RBPJ: variants seen among roughly 807,000 people sequenced by gnomAD.
The protein encoded by RBPJ is recombining binding protein suppressor of hairless.
In RBPJ, 9 loss-of-function variants were observed where a neutral mutation model predicts 67.8. That is an observed-to-expected ratio of 0.13 (90% CI 0.08 to 0.23). The LOEUF is 0.23. Among genes scored for constraint, RBPJ ranks in the 10% least tolerant of loss-of-function variants. The probability of loss-of-function intolerance (pLI) is 1.00; values close to 1 mark genes in which losing one functional copy is unlikely to be tolerated. For missense variants in RBPJ, 305 were observed against 595.6 expected (o/e 0.51, Z 5.08); for synonymous variants, 198 against 203.3 (o/e 0.97, Z 0.22).
intron 1 of RBPJ, among the ~76,000 whole-genome samples, chr4:26,175,959 G>A (rs189705967): frequency 3.9e-5 from 6 of 152,252 alleles, no homozygotes; most frequent in East Asian, 3.9e-4. Flanking sequence ...GAAAGGTGTG[G>A]AGAAAAGTGA....
At chr4:26,316,523 A>ATATATATTCATG (rs1722633535), upstream of RBPJ, among the ~76,000 whole-genome samples, 1 of 9,274 alleles carries the variant, frequency 1.1e-4, no homozygotes, top group Non-Finnish European at 3.2e-4. Flanking sequence ...ATATATTCAT[A>ATATATATTCATG]TATATATTCA....
chr4:26,222,528 G>A (rs2109193111), intron 1 of RBPJ, among the ~76,000 whole-genome samples: 1 of 147,590 alleles, frequency 6.8e-6, no homozygotes, highest in East Asian at 2.0e-4. Flanking sequence ...AAATATTTAA[G>A]GTGATGAGTT....
intron 1 of RBPJ, among the ~76,000 whole-genome samples, chr4:26,229,560 G>C (rs1719202132): frequency 6.6e-6 from 1 of 152,084 alleles, no homozygotes; most frequent in African/African-American, 2.4e-5. Context: ...TCCATGCATA[G>C]AAGCGTTCCC....
At chr4:26,401,319 G>C (rs752226828) in intron 2 of RBPJ, among the ~76,000 whole-genome samples, 1 of 152,196 alleles carries the variant, frequency 6.6e-6, no homozygotes, top group East Asian at 1.9e-4. Flanking sequence ...GTATGATTTT[G>C]TCCTCACAAG....
At chr4:26,235,748 T>C (rs1719432656) in intron 1 of RBPJ, among the ~76,000 whole-genome samples, 1 of 152,218 alleles carries the variant, frequency 6.6e-6, no homozygotes, top group Admixed American at 6.5e-5. Context: ...TGTTTTCCTG[T>C]CCTTTGCTCT....
the RBPJ span, among the ~76,000 whole-genome samples, chr4:26,131,480 G>A: frequency 1.1e-4 from 16 of 152,256 alleles, no homozygotes; most frequent in Admixed American, 7.2e-4. Flanking sequence ...TGCCAGTATT[G>A]CTTCTGGGGA....
chr4:26,288,314 G>A (rs909171201), intron 1 of RBPJ, among the ~76,000 whole-genome samples: 1 of 152,178 alleles, frequency 6.6e-6, no homozygotes, highest in African/African-American at 2.4e-5. Context: ...TTTGACTAAG[G>A]CTGAAGAATC....
At chr4:26,298,970 G>T (rs1037797551) in intron 1 of RBPJ, among the ~76,000 whole-genome samples, 4 of 152,180 alleles carry the variant, frequency 2.6e-5, no homozygotes, top group African/African-American at 9.7e-5. Context: ...AAAGAAAAAA[G>T]GTAGGTCAGA....
intron 1 of RBPJ, among the ~76,000 whole-genome samples, chr4:26,287,912 C>G (rs1049953234): frequency 1.5e-4 from 23 of 152,134 alleles, no homozygotes; most frequent in African/African-American, 5.3e-4. Flanking sequence ...TTGAGCATCT[C>G]ATTGAACTCT....
chr4:26,179,937 C>T (rs2175422), intron 1 of RBPJ, among the ~76,000 whole-genome samples: 7,115 of 152,228 alleles, frequency 0.047, 318 homozygotes, highest in African/African-American at 0.11. Flanking sequence ...TGTCCATCAA[C>T]TACAGACTGG....
rs187360913 is a variant in RBPJ at position 26,264,121 on chromosome 4, G to A, written c.-166-98325G>A. Among the ~76,000 whole-genome samples the A allele has an allele frequency of 7.9e-5, 12 of 151,950 alleles. No individual in the cohort carries two copies. The highest frequency in any genetic ancestry group is 2.9e-4 in the African/African-American group (12 of 41,416). On this transcript the variant is annotated intron_variant, in intron 1 of 4. Coordinates refer to the RBPJ transcript ENST00000512351. This position sits in a 1 kb window ranked among gnomAD's most constrained non-coding sequence, Gnocchi z 4.1. ...CTGGTCTTGAACTCTCGACTCAGGT[G>A]ATCCACCCAACTCAACCTCCCAAAG...
chr4:26,288,577 G>C (rs941960146), intron 1 of RBPJ, among the ~76,000 whole-genome samples: 2 of 152,230 alleles, frequency 1.3e-5, no homozygotes, highest in Non-Finnish European at 2.9e-5. Flanking sequence ...CACCCTAGGA[G>C]AGAAGAATTA....
the RBPJ span, among the ~76,000 whole-genome samples, chr4:26,144,433 C>T: frequency 2.6e-5 from 4 of 151,964 alleles, no homozygotes; most frequent in Admixed American, 2.6e-4. Flanking sequence ...CCATGCCCAG[C>T]TAATTTTTGT....
intron 1 of RBPJ, among the ~76,000 whole-genome samples, chr4:26,243,820 C>A (rs1719728747): frequency 6.6e-6 from 1 of 152,112 alleles, no homozygotes; most frequent in Admixed American, 6.5e-5. Flanking sequence ...CTTGGCCAGG[C>A]ACAGTGGATC....
At position 26,205,995 on chromosome 4, in the gene RBPJ, G is replaced by A. The variant is rs558173369; in HGVS notation, c.-167+42381G>A. On this transcript the variant is annotated intron_variant, in intron 1 of 4. Coordinates refer to the RBPJ transcript ENST00000512351. ...TGAGTTGAGTAAATATGATATATGC[G>A]TATTTTTTTTATAAATTACACATAG... is the stretch of plus-strand genomic sequence containing the variant. Among the ~76,000 whole-genome samples the A allele has an allele frequency of 1.1e-3, 121 of 105,382 alleles. 1 individual carries two copies. The highest frequency in any genetic ancestry group is 4.3e-3 in the African/African-American group (114 of 26,580). 69.1% of individuals were successfully genotyped at this position (105,382 alleles called of 152,430 possible).
chr4:26,317,528 G>GTTCTAGAGGGCC, upstream of RBPJ, among the ~76,000 whole-genome samples: 1 of 152,150 alleles, frequency 6.6e-6, no homozygotes, highest in Non-Finnish European at 1.5e-5. Context: ...TCATGGAGGA[G>GTTCTAGAGGGCC]TTCTAGAGGG....
At position 26,171,481 on chromosome 4, in the gene RBPJ, T is replaced by A. The variant is rs531815859; in HGVS notation, c.-167+7867T>A. Reference sequence around the variant, plus strand: ...TACTTGAGAGGCTGAGACAGGAGAATCTTTTGAGCCCCAAGAGTTAGAGGC... The same window carrying A: ...TACTTGAGAGGCTGAGACAGGAGAAACTTTTGAGCCCCAAGAGTTAGAGGC... On this transcript the variant is annotated intron_variant, in intron 1 of 4. Coordinates refer to the RBPJ transcript ENST00000512351. 2.0e-4 allele frequency among the ~76,000 whole-genome samples: 31 copies of A among 152,274 alleles called. No homozygotes were observed. In the East Asian group the frequency reaches 5.6e-3, roughly 27 times the overall value.
intron 2 of RBPJ, among the ~76,000 whole-genome samples, chr4:26,396,720 G>A (rs944973565): frequency 6.6e-6 from 1 of 152,234 alleles, no homozygotes; most frequent in Admixed American, 6.5e-5. Context: ...TCTCATAGCT[G>A]TGTGACAGGA....
upstream of RBPJ, chr4:26,319,864 G>A (rs1178759916): frequency 1.2e-6 from 2 of 1,600,346 alleles, no homozygotes; most frequent in Admixed American, 1.7e-5. Context: ...AAAGAGCAAA[G>A]GAGGGGAAAG....
Sources: gnomAD v4.1 joint callset for allele counts (sites outside exome capture counted in the v4.1 genomes callset) on GRCh38, gnomAD v4.1.1 for gene constraint, Gnocchi (gnomAD v3.1) non-coding constraint, MANE v1.5 for transcripts, NCBI Gene and HGNC (gene_info 2026-07-23, HGNC 2026-07-21) for gene names.